The following PLD5 variants were observed in gnomAD, a reference collection of about 807,000 sequenced individuals.
PLD5 encodes the protein phospholipase D family member 5.
In PLD5, 36 loss-of-function variants were observed where a neutral mutation model predicts 61.1. The ratio of observed to expected loss-of-function variants is 0.59; its 90% CI spans 0.45 to 0.78. The LOEUF is 0.78. PLD5 is among the 30% of genes least tolerant of loss of function. PLD5 has a pLI of 0.00. For missense variants in PLD5, 515 were observed against 644.4 expected (o/e 0.80, Z 2.17); for synonymous variants, 243 against 242.8 (o/e 1.00, Z -0.01).
At chr1:242,510,735 C>T (rs995201502) in intron 1 of PLD5, among the ~76,000 whole-genome samples, 1 of 151,826 alleles carries the variant, frequency 6.6e-6, no homozygotes. Flanking sequence ...GTCCCAGCTA[C>T]TCAGGAGGCC....
intron 1 of PLD5, among the ~76,000 whole-genome samples, chr1:242,493,918 G>A (rs560323531): frequency 2.0e-4 from 31 of 152,312 alleles, no homozygotes; most frequent in African/African-American, 6.5e-4. Flanking sequence ...AAGCTCTGTC[G>A]AAAAGGAATT....
intron 4 of PLD5, among the ~76,000 whole-genome samples, chr1:242,252,109 G>A (rs886555885): frequency 6.6e-6 from 1 of 152,086 alleles, no homozygotes; most frequent in African/African-American, 2.4e-5. Context: ...GAAGTTAGTT[G>A]AATTACCAAG....
At position 242,244,739 on chromosome 1, in the gene PLD5, A is replaced by AT. The variant is rs1258215346; in HGVS notation, c.607+20597dup. On this transcript the variant is annotated intron_variant, in intron 4 of 9. Transcript: ENST00000536534. ...TCAGGGGTCAAGACCTCAACTTCTC[A>AT]TGATGCCTTCATAGGTGGTCAACAA... is the stretch of plus-strand genomic sequence containing the variant. 9.2e-5 allele frequency among the ~76,000 whole-genome samples: 14 copies of AT among 152,360 alleles called. No homozygotes were observed. The East Asian group carries it at 2.7e-3, about 29-fold the overall frequency.
intron 1 of PLD5, among the ~76,000 whole-genome samples, chr1:242,351,946 TTTA>T (rs1383957906): frequency 6.6e-6 from 1 of 152,212 alleles, no homozygotes; most frequent in Non-Finnish European, 1.5e-5. Context: ...TTTTTAAAAG[TTTA>T]TATTTTGACA....
At position 242,083,469 on chromosome 1, in the gene PLD5, C is replaced by T. The variant is rs1004055154; in HGVS notation, c.*6385G>A. The T allele has an allele frequency of 1.3e-5, 2 of 152,096 alleles. No homozygotes were observed. Among genetic ancestry groups the T allele is most frequent in the African/African-American group, 4.8e-5 (2 of 41,422 alleles). 9.4% of individuals were successfully genotyped at this position (152,096 alleles called of 1,614,324 possible). On this transcript the variant is annotated 3_prime_UTR_variant, in exon 10 of 10. Coordinates refer to ENST00000536534, the MANE Select transcript of PLD5 (RefSeq NM_001372062.1). Reference sequence around the variant, plus strand: ...AGGAGCTGTGGAGGTAGGGTCTCTCCAAGACACCAGGAAAACTATAGATCC... The same window carrying T: ...AGGAGCTGTGGAGGTAGGGTCTCTCTAAGACACCAGGAAAACTATAGATCC...
At chr1:242,496,203 G>C (rs1572245787) in intron 1 of PLD5, among the ~76,000 whole-genome samples, 1 of 152,112 alleles carries the variant, frequency 6.6e-6, no homozygotes, top group East Asian at 1.9e-4. Flanking sequence ...ACTAAAATAA[G>C]CTTAATTCTC....
At position 242,205,331 on chromosome 1, in the gene PLD5, A is replaced by G. The variant is rs113051006; in HGVS notation, c.735+14657T>C. Reference sequence around the variant, plus strand: ...ACAATAAAATGGTTTTGGGAGAGTAAAAAAGAGGATTTTCTATTTATGCTT... The same window carrying G: ...ACAATAAAATGGTTTTGGGAGAGTAGAAAAGAGGATTTTCTATTTATGCTT... On this transcript the variant is annotated intron_variant, in intron 5 of 9. Coordinates refer to ENST00000536534, the MANE Select transcript of PLD5 (RefSeq NM_001372062.1). Among the ~76,000 whole-genome samples, 9 of 152,346 alleles carry G rather than the reference A, an allele frequency of 5.9e-5. 1 individual carries two copies. The highest frequency in any genetic ancestry group is 2.2e-4 in the African/African-American group (9 of 41,576).
chr1:242,465,692 G>T (rs538067678), intron 1 of PLD5, among the ~76,000 whole-genome samples: 27 of 152,314 alleles, frequency 1.8e-4, no homozygotes, highest in African/African-American at 6.3e-4. Context: ...ACTTTGGGAG[G>T]CTGAGGCGGG....
intron 2 of PLD5, among the ~76,000 whole-genome samples, chr1:242,294,211 T>C (rs985327828): frequency 1.3e-5 from 2 of 152,234 alleles, no homozygotes; most frequent in African/African-American, 4.8e-5. Context: ...TTTTTATACT[T>C]CTTTTCTTGA....
upstream of PLD5, among the ~76,000 whole-genome samples, chr1:242,529,505 G>C (rs1447268784): frequency 6.6e-6 from 1 of 152,100 alleles, no homozygotes; most frequent in Non-Finnish European, 1.5e-5. Context: ...AGAGTGACCT[G>C]CCCAAGAGAC....
intron 5 of PLD5, 108 bp downstream of exon 5, chr1:242,219,880 T>C (rs1670451656): frequency 7.2e-7 from 1 of 1,379,936 alleles, no homozygotes; most frequent in Non-Finnish European, 9.9e-7. Flanking sequence ...CAGTTAAGAA[T>C]AATAAATGCT....
In PLD5 at chr1:242,226,598, A is replaced by G. The variant is rs139329566; in HGVS notation, c.608-6483T>C. ...GAACTAGAAATGTTAAGCTACAAAT[A>G]TGCTAACTGATGATGTGAAAATCAG... On this transcript the variant is annotated intron_variant, in intron 4 of 9. Coordinates refer to ENST00000536534, the MANE Select transcript of PLD5 (RefSeq NM_001372062.1). 7.5e-4 allele frequency among the ~76,000 whole-genome samples: 114 copies of G among 152,366 alleles called. 2 individuals carry two copies. Among genetic ancestry groups the G allele is most frequent in the African/African-American group, 2.6e-3 (110 of 41,596 alleles).
intron 4 of PLD5, among the ~76,000 whole-genome samples, chr1:242,262,962 G>A (rs1337948291): frequency 6.6e-6 from 1 of 152,038 alleles, no homozygotes; most frequent in African/African-American, 2.4e-5. Context: ...CTTCATGAGG[G>A]CTAGGTTTCA....
intron 1 of PLD5, among the ~76,000 whole-genome samples, chr1:242,394,502 GTA>G (rs1204151028): frequency 2.5e-5 from 2 of 80,552 alleles, no homozygotes; most frequent in Non-Finnish European, 4.5e-5. Flanking sequence ...ATATATATGT[GTA>G]TATATGTGAA....
chr1:242,292,027 G>A (rs1314524975), intron 2 of PLD5, among the ~76,000 whole-genome samples: 5 of 152,080 alleles, frequency 3.3e-5, no homozygotes, highest in East Asian at 1.9e-4. Context: ...GAGAAGCAGC[G>A]TTCAGGAAGC....
chr1:242,205,152 G>A (rs186685431), intron 5 of PLD5, among the ~76,000 whole-genome samples: 4 of 152,306 alleles, frequency 2.6e-5, no homozygotes, highest in South Asian at 2.1e-4. Flanking sequence ...GGAAGCAGGG[G>A]TTGGAGGGAC....
chr1:242,429,949 A>G (rs573503729), intron 1 of PLD5, among the ~76,000 whole-genome samples: 8 of 145,124 alleles, frequency 5.5e-5, no homozygotes, highest in Non-Finnish European at 1.1e-4. Flanking sequence ...TCATGCCCCA[A>G]CACAGACATA....
chr1:242,108,101 A>T (rs892971381), intron 7 of PLD5, among the ~76,000 whole-genome samples: 1 of 152,104 alleles, frequency 6.6e-6, no homozygotes, highest in Admixed American at 6.5e-5. Flanking sequence ...GGGTGAGGAC[A>T]GGCTGACTGC....
chr1:242,362,497 C>T (rs114363505), intron 1 of PLD5, among the ~76,000 whole-genome samples: 3,016 of 152,218 alleles, frequency 0.02, 43 homozygotes, highest in Non-Finnish European at 0.032. Flanking sequence ...TGAACACTGC[C>T]TTCATCTGTG....
Sources: gnomAD v4.1 joint callset for allele counts (sites outside exome capture counted in the v4.1 genomes callset) on GRCh38, gnomAD v4.1.1 for gene constraint, MANE v1.5 for transcripts, NCBI Gene and HGNC (gene_info 2026-07-23, HGNC 2026-07-21) for gene names.